Variants in SYTL2 observed in about 807,000 individuals in gnomAD.
SYTL2 encodes the protein synaptotagmin-like protein 2.
A neutral mutation model predicts 198.7 loss-of-function variants in SYTL2; 165 were observed. That is an observed-to-expected ratio of 0.83 (90% CI 0.73 to 0.94). The LOEUF (loss-of-function observed/expected upper bound fraction) is 0.94. SYTL2 is among the 40% of genes least tolerant of loss of function. The probability of loss-of-function intolerance (pLI) is 0.00; values close to 1 mark genes in which losing one functional copy is unlikely to be tolerated. For missense variants in SYTL2, 2,835 were observed against 2,582.8 expected (o/e 1.10, Z -2.12); for synonymous variants, 966 against 917.7 (o/e 1.05, Z -0.95).
Position 85,726,027 on chromosome 11 carries a change from C to G in SYTL2, c.3331G>C (p.Glu1111Gln). 6.2e-7 allele frequency: 1 copy of G among 1,612,878 alleles called. No homozygotes were observed. Among genetic ancestry groups the G allele is most frequent in the Non-Finnish European group, 8.5e-7 (1 of 1,179,608 alleles). ...PVFKEEKDYS[E>Q]QEIQESIIKT... Reference sequence around the variant, plus strand: ...ATTATGGATTCTTGAATCTCTTGTTCTGAGTAATCCTTTTCTTCCTTAAAC... The same window carrying G: ...ATTATGGATTCTTGAATCTCTTGTTGTGAGTAATCCTTTTCTTCCTTAAAC... The change falls in exon 8 of 20, where the codon GAA becomes CAA. Residue 1111 changes from glutamate (E) to glutamine (Q), a missense_variant. By Grantham distance (29) the Glu-to-Gln change is conservative. Transcript: ENST00000359152.
At chr11:85,732,878 T>C (rs1399390568) in intron 7 of SYTL2, among the ~76,000 whole-genome samples, 2 of 152,212 alleles carry the variant, frequency 1.3e-5, no homozygotes, top group Non-Finnish European at 2.9e-5. Context: ...TTTTTTTCTA[T>C]TGTTTCTGTT....
At chr11:85,696,121 A>G (rs1048838533) in intron 19 of SYTL2, 62 bp downstream of exon 19, 15 of 1,394,288 alleles carry the variant, frequency 1.1e-5, no homozygotes, top group Non-Finnish European at 1.5e-5. Flanking sequence ...AGCAACAAAC[A>G]AACCTCTAGT....
At position 85,707,496 on chromosome 11, in the gene SYTL2, T is replaced by C; in HGVS notation, c.5951A>G (p.Lys1984Arg). 6.2e-7 allele frequency: 1 copy of C among 1,614,088 alleles called. No individual in the cohort carries two copies. Among genetic ancestry groups the C allele is most frequent in the Non-Finnish European group, 8.5e-7 (1 of 1,179,970 alleles). Residue 1984 changes from lysine (K) to arginine (R), a missense_variant, in exon 15 of 20, where the codon AAA (lysine) becomes AGA (arginine). Transcript: ENST00000359152. ...TACGAGTGTTTTCTTCTTGCCCATT[T>C]TGCCTTTGTCTGGTAGCAAATAGGC... ...VKAYLLPDKGKMGKKKTLVVK... is the reference protein window; with the variant it reads ...VKAYLLPDKGRMGKKKTLVVK...
chr11:85,700,454 A>G (rs1042951799), intron 17 of SYTL2, 61 bp downstream of exon 17: 2 of 1,363,328 alleles, frequency 1.5e-6, no homozygotes, highest in Non-Finnish European at 2.1e-6. Flanking sequence ...CGCATAGTAA[A>G]TACTGTGAGA....
chr11:85,747,915 G>A (rs1350362348), intron 3 of SYTL2, among the ~76,000 whole-genome samples: 1 of 152,194 alleles, frequency 6.6e-6, no homozygotes, highest in Non-Finnish European at 1.5e-5. Context: ...ACTGAAAAGA[G>A]AGGCTGATAT....
chr11:85,789,556 T>G (rs1343229715), intron 1 of SYTL2, among the ~76,000 whole-genome samples: 1 of 151,194 alleles, frequency 6.6e-6, no homozygotes, highest in African/African-American at 2.4e-5. Context: ...TTTGAAAGCC[T>G]TATCAGTTTT....
In SYTL2 at chr11:85,727,348, G is replaced by C; in HGVS notation, c.2010C>G (p.Ser670=). Residue 670 remains serine (S), a synonymous_variant, in exon 8 of 20, where the codon TCC becomes TCG. Transcript: ENST00000359152. ...CATCAGATTCCTTGAGAACACTGTA[G>C]GAATAGTTACTATTTGAAGGAGATG... ...NGASPSNSNY[S]YSVLKESDAE... is the part of the protein sequence containing the mutation. 1.3e-6 allele frequency: 2 copies of C among 1,536,166 alleles called. No individual in the cohort carries two copies. Among genetic ancestry groups the C allele is most frequent in the Non-Finnish European group, 1.7e-6 (2 of 1,146,900 alleles).
intron 16 of SYTL2, among the ~76,000 whole-genome samples, chr11:85,703,530 T>C (rs2084656609): frequency 6.6e-6 from 1 of 151,942 alleles, no homozygotes; most frequent in Non-Finnish European, 1.5e-5. Flanking sequence ...AGCAAAAATA[T>C]CCCTCCAAGA....
chr11:85,699,383 C>A (rs2153367973), intron 17 of SYTL2, among the ~76,000 whole-genome samples: 1 of 152,232 alleles, frequency 6.6e-6, no homozygotes, highest in African/African-American at 2.4e-5. Flanking sequence ...ATACCCCTGC[C>A]CTCTACTACC....
At chr11:85,774,218 A>T (rs115154472) in intron 1 of SYTL2, among the ~76,000 whole-genome samples, 2 of 152,256 alleles carry the variant, frequency 1.3e-5, no homozygotes, top group Admixed American at 1.3e-4. Flanking sequence ...GAAGGAACTG[A>T]CATTTAATCT....
intron 9 of SYTL2, 45 bp from the exon 10 acceptor site, chr11:85,718,888 G>T: frequency 6.2e-7 from 1 of 1,604,770 alleles, no homozygotes; most frequent in South Asian, 1.1e-5. Context: ...CTGACCCTTG[G>T]AGAGAAAAGA....
intron 9 of SYTL2, among the ~76,000 whole-genome samples, chr11:85,719,588 A>C (rs2087951481): frequency 6.6e-6 from 1 of 151,558 alleles, no homozygotes; most frequent in South Asian, 2.1e-4. Flanking sequence ...AAAGGATTCG[A>C]CTCGCCTTCT....
intron 1 of SYTL2, among the ~76,000 whole-genome samples, chr11:85,766,463 G>T (rs1477541587): frequency 6.6e-6 from 1 of 152,126 alleles, no homozygotes; most frequent in Non-Finnish European, 1.5e-5. Flanking sequence ...TATCACGAAG[G>T]ACTTTAAGCC....
chr11:85,816,823 A>T, the SYTL2 span, among the ~76,000 whole-genome samples: 1 of 150,108 alleles, frequency 6.7e-6, no homozygotes, highest in Non-Finnish European at 1.5e-5. Flanking sequence ...CTGAGGTGGG[A>T]GGATCACTGG....
At position 85,718,925 on chromosome 11, in the gene SYTL2, C is replaced by T. The variant is rs2087816125; in HGVS notation, c.5429-82G>A. 3.8e-6 allele frequency: 6 copies of T among 1,569,420 alleles called. No individual in the cohort carries two copies. In the East Asian group the frequency reaches 7.0e-5, roughly 18 times the overall value. ...CAATGAGATTGTCCCTGGAAGCCCC[C>T]GGAGTTGGAAGCAATTAGTCAAGAT... On this transcript the variant is annotated intron_variant, in intron 9 of 19. Transcript: ENST00000359152.
rs779585207 is a variant in SYTL2, at chr11:85,724,978, C to T, written c.4380G>A (p.Thr1460=). The change falls in exon 8 of 20, where the codon ACG becomes ACA. Residue 1460 remains threonine (T), a synonymous_variant. Transcript: ENST00000359152. ...LAAQMSPSDQ[T]LSSFASIVAQ... ...CAACAATGGAAGCAAATGAGCTAAG[C>T]GTCTGGTCTGATGGAGACATTTGGG... The T allele has an allele frequency of 4.3e-6, 7 of 1,613,762 alleles. No homozygotes were observed. The highest frequency in any genetic ancestry group is 4.5e-5 in the East Asian group (2 of 44,880).
chr11:85,850,977 G>C, the SYTL2 span, among the ~76,000 whole-genome samples: 2 of 141,988 alleles, frequency 1.4e-5, no homozygotes, highest in Non-Finnish European at 3.0e-5. Flanking sequence ...ACTGAACAAT[G>C]AGATCACATG....
At chr11:85,745,348 A>G (rs2091078259) in intron 4 of SYTL2, among the ~76,000 whole-genome samples, 2 of 152,234 alleles carry the variant, frequency 1.3e-5, no homozygotes, top group Admixed American at 6.5e-5. Flanking sequence ...TACTCTAAGG[A>G]GAAATCCATG....
chr11:85,722,112 T>G (rs1427582741), intron 8 of SYTL2, among the ~76,000 whole-genome samples: 1 of 152,050 alleles, frequency 6.6e-6, no homozygotes, highest in Admixed American at 6.5e-5. Flanking sequence ...CTATACCATT[T>G]GATACTTCTT....
Sources: allele counts gnomAD v4.1 joint callset (sites outside exome capture counted in the v4.1 genomes callset), GRCh38; gene constraint gnomAD v4.1.1; transcripts MANE v1.5; gene names NCBI Gene and HGNC (gene_info 2026-07-23, HGNC 2026-07-21).